RPS6KA5: variants seen among roughly 807,000 people sequenced by gnomAD.
RPS6KA5 encodes the protein ribosomal protein S6 kinase alpha-5.
In RPS6KA5, 27 loss-of-function variants were observed where a neutral mutation model predicts 85.5. The ratio of observed to expected loss-of-function variants is 0.32; its 90% CI spans 0.23 to 0.44. The LOEUF (loss-of-function observed/expected upper bound fraction) is 0.44, where lower values mean the gene tolerates loss of function less well. Among genes scored for constraint, RPS6KA5 ranks in the 20% least tolerant of loss-of-function variants. The probability of loss-of-function intolerance (pLI) is 1.00; values close to 1 mark genes in which losing one functional copy is unlikely to be tolerated. For missense variants in RPS6KA5, 811 were observed against 980.9 expected, an observed-to-expected ratio of 0.83 and a Z score of 2.31; for synonymous variants, 334 against 348.2, an observed-to-expected ratio of 0.96 and a Z score of 0.46.
chr14:90,885,231 C>A (rs1328302434), intron 14 of RPS6KA5, among the ~76,000 whole-genome samples: 2 of 139,610 alleles, frequency 1.4e-5, no homozygotes, highest in Non-Finnish European at 3.0e-5. Flanking sequence ...TCAGCCTGGG[C>A]AACAGAGCAG....
At chr14:91,050,748 T>C (rs768611700) in intron 1 of RPS6KA5, among the ~76,000 whole-genome samples, 1 of 152,054 alleles carries the variant, frequency 6.6e-6, no homozygotes, top group African/African-American at 2.4e-5. Flanking sequence ...TTGTAAGCTA[T>C]GTTTGTTTAA....
At chr14:90,939,187 G>A (rs144584134) in intron 5 of RPS6KA5, among the ~76,000 whole-genome samples, 1 of 152,286 alleles carries the variant, frequency 6.6e-6, no homozygotes, top group African/African-American at 2.4e-5. Flanking sequence ...CAGTCTCTTT[G>A]CTAAAACATT....
At chr14:90,998,399 A>G (rs142398103) in intron 2 of RPS6KA5, among the ~76,000 whole-genome samples, 1 of 152,224 alleles carries the variant, frequency 6.6e-6, no homozygotes, top group African/African-American at 2.4e-5. Context: ...GTTACCAAGA[A>G]AGCCACATAC....
chr14:90,902,949 T>G lies in RPS6KA5; in HGVS notation c.978A>C (p.Leu326Phe). ...LFFQKINWDDLAAKKVPAPFK... is the reference protein window; with the variant it reads ...LFFQKINWDDFAAKKVPAPFK... ...ATGGTGCAGGCACTTTTTTGGCGGC[T>G]AAATCATCCCAATTTATTTTCTAAA... The change falls in exon 9 of 17, where the codon TTA (leucine) becomes TTC (phenylalanine). Residue 326 changes from leucine to phenylalanine, a missense_variant. Leu to Phe is a conservative substitution (Grantham distance 22). This residue lies in a region of RPS6KA5 where 650 missense variants were observed against 793.4 expected (regional missense o/e 0.82). Transcript: ENST00000614987. 3.1e-6 allele frequency: 5 copies of G among 1,612,076 alleles called. No homozygotes were observed. The highest frequency in any genetic ancestry group is 4.2e-6 in the Non-Finnish European group (5 of 1,178,982).
chr14:90,907,299 T>C (rs940939401), intron 7 of RPS6KA5, among the ~76,000 whole-genome samples: 3 of 152,346 alleles, frequency 2.0e-5, no homozygotes, highest in South Asian at 2.1e-4. Flanking sequence ...ATATAGACTT[T>C]GGAGCCAGAA....
Position 90,859,697 on chromosome 14 carries a change from A to G in RPS6KA5, c.*12377T>C, listed in dbSNP as rs1439699892. 6.6e-6 allele frequency: 1 copy of G among 152,198 alleles called. No individual in the cohort carries two copies. The highest frequency in any genetic ancestry group is 1.5e-5 in the Non-Finnish European group (1 of 68,042). 9.4% of individuals were successfully genotyped at this position (152,198 alleles called of 1,614,324 possible). A position where few individuals can be genotyped will look rare whatever the true frequency, so the allele number is the denominator to read the frequency against. On this transcript the variant is annotated 3_prime_UTR_variant, in exon 17 of 17. Coordinates refer to ENST00000614987, the MANE Select transcript of RPS6KA5 (RefSeq NM_004755.4). ...CATATGGAACATAGTATAACACACA[A>G]TCCTAGAAAACGGGAGAGAGAAAAC...
In RPS6KA5 at chr14:90,906,123, A is replaced by T. The variant is rs773731019; in HGVS notation, c.957+26T>A. 6.4e-6 allele frequency: 10 copies of T among 1,566,204 alleles called. No homozygotes were observed. In the African/African-American group the frequency reaches 1.4e-4, roughly 21 times the overall value. ...CCCTGAAAACGGCAAGGAGTATGAAACCATTTATCTATTCAATAATTTCAC... is the reference window on the plus strand; with the variant it reads ...CCCTGAAAACGGCAAGGAGTATGAATCCATTTATCTATTCAATAATTTCAC... On this transcript the variant is annotated intron_variant, in intron 8 of 16. Coordinates refer to ENST00000614987, the MANE Select transcript of RPS6KA5 (RefSeq NM_004755.4).
In RPS6KA5 at chr14:91,001,101, G is replaced by C. The variant is rs1230384018; in HGVS notation, c.162C>G (p.Val54=). 6.3e-7 allele frequency: 1 copy of C among 1,585,698 alleles called. No individual in the cohort carries two copies. Among genetic ancestry groups the C allele is most frequent in the East Asian group, 2.2e-5 (1 of 44,526 alleles). The change falls in exon 2 of 17, where the codon GTC becomes GTG. Residue 54 remains valine (V), a synonymous_variant. Transcript: ENST00000614987. The stretch of plus-strand genomic sequence containing the variant: ...CTTAAGACTTACCTCCAGTTCCTAG[G>C]ACCTTCAGGAGCTCAAAATTTTCTA... ...VGIENFELLK[V]LGTGAYGKVF...
At chr14:90,964,291 A>C (rs928603501) in intron 3 of RPS6KA5, among the ~76,000 whole-genome samples, 3 of 152,204 alleles carry the variant, frequency 2.0e-5, no homozygotes, top group Non-Finnish European at 4.4e-5. Flanking sequence ...CCTGAGCCTC[A>C]GATACCTCAT....
intron 3 of RPS6KA5, among the ~76,000 whole-genome samples, chr14:90,968,874 C>T (rs2039195584): frequency 1.3e-5 from 2 of 152,152 alleles, no homozygotes; most frequent in Admixed American, 1.3e-4. Flanking sequence ...ATAACCAAAA[C>T]AATCTTTTTA....
chr14:91,035,711 G>A (rs905221208), intron 1 of RPS6KA5, among the ~76,000 whole-genome samples: 2 of 151,892 alleles, frequency 1.3e-5, no homozygotes, highest in African/African-American at 4.8e-5. Flanking sequence ...TACTGCACAG[G>A]AGGGGGCTAT....
At chr14:90,884,090 T>C (rs2034032219) in intron 14 of RPS6KA5, among the ~76,000 whole-genome samples, 1 of 152,156 alleles carries the variant, frequency 6.6e-6, no homozygotes, top group African/African-American at 2.4e-5. Context: ...ACAACAACAA[T>C]GACCACTGCC....
At chr14:90,890,952 T>C (rs2034516541) in intron 13 of RPS6KA5, among the ~76,000 whole-genome samples, 1 of 152,086 alleles carries the variant, frequency 6.6e-6, no homozygotes, top group South Asian at 2.1e-4. Flanking sequence ...TCTGCTTGTG[T>C]TTGTCTTTTG....
intron 7 of RPS6KA5, among the ~76,000 whole-genome samples, chr14:90,906,821 C>CA (rs2035532038): frequency 6.6e-6 from 1 of 151,972 alleles, no homozygotes; most frequent in South Asian, 2.1e-4. Context: ...GGGTCAGACC[C>CA]ACTTGGAGAT....
intron 1 of RPS6KA5, among the ~76,000 whole-genome samples, chr14:91,051,223 A>G (rs977375859): frequency 6.6e-6 from 1 of 151,708 alleles, no homozygotes. Flanking sequence ...TGAGCGACAG[A>G]GTGGGACCCT....
At position 90,902,981 on chromosome 14, in the gene RPS6KA5, A is replaced by G; in HGVS notation, c.958-12T>C. On this transcript the variant is annotated splice_polypyrimidine_tract_variant and intron_variant, in intron 8 of 16. Coordinates refer to ENST00000614987, the MANE Select transcript of RPS6KA5 (RefSeq NM_004755.4). ...TCCCAATTTATTTTCTAAAACAAAG[A>G]AAGTTGGTACAAAGTAGAAATCAAT... The G allele has an allele frequency of 6.2e-7, 1 of 1,607,364 alleles. No individual in the cohort carries two copies. Among genetic ancestry groups the G allele is most frequent in the Non-Finnish European group, 8.5e-7 (1 of 1,175,978 alleles).
intron 8 of RPS6KA5, among the ~76,000 whole-genome samples, chr14:90,905,291 A>C (rs1028310444): frequency 1.3e-4 from 20 of 152,044 alleles, no homozygotes; most frequent in African/African-American, 4.8e-4. Context: ...TATTATTTTC[A>C]TTTGTTTTGG....
intron 3 of RPS6KA5, among the ~76,000 whole-genome samples, chr14:90,950,112 C>A (rs1338700748): frequency 6.6e-6 from 1 of 152,190 alleles, no homozygotes; most frequent in Non-Finnish European, 1.5e-5. Context: ...TTCATTCTTT[C>A]AGCAATGTTT....
At chr14:91,003,107 A>T (rs1366322049) in intron 1 of RPS6KA5, among the ~76,000 whole-genome samples, 1 of 152,150 alleles carries the variant, frequency 6.6e-6, no homozygotes, top group South Asian at 2.1e-4. Context: ...TTTATTATGT[A>T]AAAAAGCTTA....
Sources: allele counts gnomAD v4.1 joint callset (sites outside exome capture counted in the v4.1 genomes callset), GRCh38; gene constraint gnomAD v4.1.1; regional missense constraint gnomAD v4.1.1; transcripts MANE v1.5; gene names NCBI Gene and HGNC (gene_info 2026-07-23, HGNC 2026-07-21).